Variants in ZNF85 observed in about 807,000 individuals in gnomAD.
The protein encoded by ZNF85 is zinc finger protein 85 (HPF4, HTF1).
ZNF85 carries 50 observed loss-of-function variants against 53.9 expected under a neutral mutation model. The observed-to-expected ratio is 0.93, with a 90% CI of 0.74 to 1.17. ZNF85 has a LOEUF of 1.17. Among genes scored for constraint, ZNF85 ranks in the 50% most tolerant of loss-of-function variants. The pLI is 0.00. For missense variants in ZNF85, 747 were observed against 688.5 expected (o/e 1.08, Z -0.95); for synonymous variants, 225 against 226.1 (o/e 1.00, Z 0.04).
chr19:20,949,215 A>C lies in ZNF85; in HGVS notation c.701A>C (p.Glu234Ala). 1 of 1,613,334 alleles carries C rather than the reference A, an allele frequency of 6.2e-7. No individual in the cohort carries two copies. Among genetic ancestry groups the C allele is most frequent in the South Asian group, 1.1e-5 (1 of 91,050 alleles). The change falls in exon 4 of 4, where the codon GAA (glutamate) becomes GCA (alanine). Residue 234 changes from glutamate to alanine, a missense_variant. Transcript: ENST00000328178. ...GGAGAGAAACCTTACAAATGTGAAG[A>C]ATGTGGTAAAGCCTTTAACCAGTCC... ...HTGEKPYKCE[E>A]CGKAFNQSSN...
chr19:20,931,182 A>C (rs1467017289), intron 1 of ZNF85, among the ~76,000 whole-genome samples: 1 of 152,126 alleles, frequency 6.6e-6, no homozygotes, highest in Non-Finnish European at 1.5e-5. Context: ...TAATGAGCCC[A>C]AGGGAAGCAA....
chr19:20,935,696 G>A (rs1973141855), intron 3 of ZNF85, among the ~76,000 whole-genome samples: 1 of 151,384 alleles, frequency 6.6e-6, no homozygotes, highest in Admixed American at 6.6e-5. Flanking sequence ...TACCCAGGCT[G>A]GAGTGCAATG....
chr19:20,930,708 C>A (rs1424298485), intron 1 of ZNF85, among the ~76,000 whole-genome samples: 1 of 152,144 alleles, frequency 6.6e-6, no homozygotes, highest in Non-Finnish European at 1.5e-5. Context: ...ACATTGCTGC[C>A]TTCTGTTTCC....
At chr19:20,942,904 T>A (rs12983551) in intron 3 of ZNF85, 274,954 of 674,652 alleles carry the variant, frequency 0.41, 57,764 homozygotes, top group East Asian at 0.47. Context: ...GCCTCCCGAG[T>A]AGCTTGGACT....
intron 1 of ZNF85, among the ~76,000 whole-genome samples, chr19:20,925,232 G>T (rs890342557): frequency 6.6e-6 from 1 of 152,062 alleles, no homozygotes; most frequent in Non-Finnish European, 1.5e-5. Context: ...GCCGAGGCGG[G>T]CGGATCGCGA....
Position 20,950,083 on chromosome 19 carries a change from A to G in ZNF85, c.1569A>G (p.Ser523=), listed in dbSNP as rs1336909203. The G allele has an allele frequency of 1.2e-6, 2 of 1,613,286 alleles. No individual in the cohort carries two copies. The highest frequency in any genetic ancestry group is 1.7e-6 in the Non-Finnish European group (2 of 1,179,842). The change falls in exon 4 of 4, where the codon TCA becomes TCG. Residue 523 remains serine (S), a synonymous_variant. Coordinates refer to ENST00000328178, the MANE Select transcript of ZNF85 (RefSeq NM_003429.5). ...EECGKAFNQS[S]KLTKHKKIHT... ...GTGGCAAAGCTTTTAACCAATCCTC[A>G]AAACTTACCAAACATAAGAAAATTC...
In ZNF85 at chr19:20,923,267, G is replaced by A; in HGVS notation, c.-134G>A. 1 of 1,415,996 alleles carries A rather than the reference G, an allele frequency of 7.1e-7. No individual in the cohort carries two copies. Among genetic ancestry groups the A allele is most frequent in the Non-Finnish European group, 9.8e-7 (1 of 1,022,494 alleles). 87.7% of individuals were successfully genotyped at this position (1,415,996 alleles called of 1,614,324 possible). A position where few individuals can be genotyped will look rare whatever the true frequency, so the allele number is the denominator to read the frequency against. Reference sequence around the variant, plus strand: ...TGTGGCGGGGCCTTTGTCTCTCGCTGCAGCCTGAGCTCTAGGTCTTGTTTT... The same window carrying A: ...TGTGGCGGGGCCTTTGTCTCTCGCTACAGCCTGAGCTCTAGGTCTTGTTTT... On this transcript the variant is annotated 5_prime_UTR_variant, in exon 1 of 4. Transcript: ENST00000328178.
chr19:20,933,957 A>ATGTG lies in ZNF85; in HGVS notation c.4-29_4-26dup, dbSNP rs56195718. On this transcript the variant is annotated intron_variant, in intron 1 of 3. Transcript: ENST00000328178. ...TGCTTTTCATAACCAGTTGGTAATT[A>ATGTG]TGTGTGTGTGTGTGTGTGTGTGTGT... 3,258 of 1,157,790 alleles carry ATGTG rather than the reference A, an allele frequency of 2.8e-3. 2 individuals are homozygous for ATGTG. Among genetic ancestry groups the ATGTG allele is most frequent in the Admixed American group, 9.6e-3 (352 of 36,650 alleles). The allele number at this position is 1,157,790 out of a possible 1,614,324, so 71.7% of individuals were successfully genotyped here.
intron 1 of ZNF85, among the ~76,000 whole-genome samples, chr19:20,924,547 C>T (rs994346136): frequency 5.3e-5 from 8 of 152,178 alleles, no homozygotes; most frequent in Non-Finnish European, 8.8e-5. Flanking sequence ...GGTCTCAAGT[C>T]TACTTCTTAC....
rs189713142 is a variant in ZNF85, at chr19:20,950,002, C to A, written c.1488C>A (p.Thr496=). 33 of 1,612,594 alleles carry A rather than the reference C, an allele frequency of 2.0e-5. No homozygotes were observed. In the East Asian group the frequency reaches 5.8e-4, roughly 28 times the overall value. The part of the protein sequence containing the change: ...ECGKGFKWPS[T]LTIHKIIHTG... ...GCAAAGGTTTTAAATGGCCCTCAAC[C>A]CTTACTATCCATAAGATAATTCATA... The change falls in exon 4 of 4, where the codon ACC becomes ACA. Residue 496 remains threonine, a synonymous_variant. Coordinates refer to ENST00000328178, the MANE Select transcript of ZNF85 (RefSeq NM_003429.5).
At chr19:20,929,269 A>G (rs1024505470) in intron 1 of ZNF85, among the ~76,000 whole-genome samples, 1 of 150,850 alleles carries the variant, frequency 6.6e-6, no homozygotes, top group Non-Finnish European at 1.5e-5. Flanking sequence ...GCTTACTGCA[A>G]CCTCCGCCTC....
At chr19:20,948,287 C>CAT (rs1973470748) in intron 3 of ZNF85, among the ~76,000 whole-genome samples, 1 of 152,106 alleles carries the variant, frequency 6.6e-6, no homozygotes, top group Admixed American at 6.5e-5. Flanking sequence ...CAGACTCAAA[C>CAT]TGCCATTCCA....
chr19:20,944,497 T>C (rs1973375887), intron 3 of ZNF85, among the ~76,000 whole-genome samples: 1 of 147,616 alleles, frequency 6.8e-6, no homozygotes, highest in East Asian at 1.9e-4. Flanking sequence ...TATTTTTATA[T>C]ACTTATATAT....
chr19:20,924,580 C>T (rs1972837286), intron 1 of ZNF85, among the ~76,000 whole-genome samples: 1 of 152,144 alleles, frequency 6.6e-6, no homozygotes, highest in African/African-American at 2.4e-5. Context: ...CAGATTAACT[C>T]TGATTTACAG....
At position 20,950,161 on chromosome 19, in the gene ZNF85, G is replaced by C; in HGVS notation, c.1647G>C (p.Gln549His). The C allele has an allele frequency of 1.2e-6, 2 of 1,613,040 alleles. No individual in the cohort carries two copies. The highest frequency in any genetic ancestry group is 2.2e-5 in the South Asian group (2 of 91,006). ...AAGAATGTGGCAAAGCCTTTAACCA[G>C]TCCTCAAACCTTACTAAACATAAGA... ...TCEECGKAFNQSSNLTKHKRI... is the reference protein window; with the variant it reads ...TCEECGKAFNHSSNLTKHKRI... The change falls in exon 4 of 4, where the codon CAG becomes CAC. Residue 549 changes from glutamine (Q) to histidine (H), a missense_variant. Gln to His is a conservative substitution (Grantham distance 24). Transcript: ENST00000328178.
At chr19:20,936,853 G>A (rs555104040) in intron 3 of ZNF85, 33 of 153,570 alleles carry the variant, frequency 2.1e-4, no homozygotes, top group African/African-American at 7.9e-4. Context: ...AATACATTTT[G>A]CTTCTAAGAG....
intron 1 of ZNF85, 47 bp from the exon 2 acceptor site, chr19:20,933,977 G>A (rs1441124262): frequency 4.8e-6 from 6 of 1,256,956 alleles, no homozygotes; most frequent in Non-Finnish European, 4.4e-6. Flanking sequence ...GTGTGTGTGT[G>A]TGTGTGTGTG....
At chr19:20,939,319 G>A (rs1973237387) in intron 3 of ZNF85, among the ~76,000 whole-genome samples, 1 of 152,048 alleles carries the variant, frequency 6.6e-6, no homozygotes, top group African/African-American at 2.4e-5. Context: ...GCAGTGGCAT[G>A]ATCTCAGCTC....
intron 3 of ZNF85, among the ~76,000 whole-genome samples, chr19:20,941,551 C>T (rs766377944): frequency 6.6e-6 from 1 of 151,590 alleles, no homozygotes; most frequent in Non-Finnish European, 1.5e-5. Flanking sequence ...GCATGAGCCA[C>T]CGTGCCTGGC....
Sources: gnomAD v4.1 joint callset for allele counts (sites outside exome capture counted in the v4.1 genomes callset) on GRCh38, gnomAD v4.1.1 for gene constraint, MANE v1.5 for transcripts, NCBI Gene and HGNC (gene_info 2026-07-23, HGNC 2026-07-21) for gene names.